Variants in APBA2 observed in about 807,000 individuals in gnomAD.
The protein encoded by APBA2 is amyloid-beta A4 precursor protein-binding family A member 2.
APBA2 carries 30 observed loss-of-function variants against 75.0 expected under a neutral mutation model. The ratio of observed to expected loss-of-function variants is 0.40; its 90% CI spans 0.30 to 0.54. The LOEUF (loss-of-function observed/expected upper bound fraction) is 0.54, where lower values mean the gene tolerates loss of function less well. Among genes scored for constraint, APBA2 ranks in the 20% least tolerant of loss-of-function variants. The pLI, the probability that APBA2 is intolerant of heterozygous loss-of-function variation, is 0.49. For synonymous variants in APBA2, 444 were observed against 409.6 expected (o/e 1.08, Z -1.01); for missense variants, 801 against 1,016.1 (o/e 0.79, Z 2.88).
chr15:28,958,347 T>TG (rs1227699100), intron 2 of APBA2, among the ~76,000 whole-genome samples: 1 of 152,254 alleles, frequency 6.6e-6, no homozygotes, highest in Non-Finnish European at 1.5e-5. Context: ...CCAGGCCCTG[T>TG]GGCGTGGGAG....
At position 29,105,530 on chromosome 15, in the gene APBA2, A is replaced by G. The variant is rs2044354895; in HGVS notation, c.1676A>G (p.His559Arg). 1 of 1,613,660 alleles carries G rather than the reference A, an allele frequency of 6.2e-7. No homozygotes were observed. Among genetic ancestry groups the G allele is most frequent in the Non-Finnish European group, 8.5e-7 (1 of 1,180,018 alleles). The change falls in exon 11 of 15, where the codon CAC becomes CGC. Residue 559 changes from histidine to arginine, a missense_variant. Physicochemically the swap from His to Arg is conservative, Grantham distance 29. Transcript: ENST00000683413. ...TQEMYNDDLI[H>R]FSNSENCKEL... ...GAGATGTACAACGACGACCTCATCC[A>G]CTTCTCAAACTCGGAGAACTGCAAG...
At chr15:29,107,469 C>T (rs1484700232) in intron 12 of APBA2, among the ~76,000 whole-genome samples, 3 of 152,224 alleles carry the variant, frequency 2.0e-5, no homozygotes, top group African/African-American at 7.2e-5. Context: ...GCATGTTCCT[C>T]CCCACCCTGC....
In APBA2 at chr15:28,919,364, ATGAACAACCGC is replaced by A. The variant is rs1232127110; in HGVS notation, c.-204-2272_-204-2262del. On this transcript the variant is annotated intron_variant, in intron 1 of 14. Transcript: ENST00000683413. ...CCCGCGGTTGTTGAACGGAGGGAGA[ATGAACAACCGC>A]TGACTTCCTGGTTCCTGGGTGCCGC... 2.0e-5 allele frequency: 3 copies of A among 152,342 alleles called. No individual in the cohort carries two copies. The East Asian group carries it at 5.8e-4, about 29-fold the overall frequency. 9.4% of individuals were successfully genotyped at this position (152,342 alleles called of 1,614,324 possible).
chr15:29,076,213 A>G, intron 6 of APBA2, 122 bp downstream of exon 6: 2 of 1,081,222 alleles, frequency 1.8e-6, no homozygotes, highest in Non-Finnish European at 2.9e-6. Flanking sequence ...CCTACCAGCA[A>G]GGTGCTTGGC....
chr15:28,960,107 T>C (rs1006029714), intron 2 of APBA2, among the ~76,000 whole-genome samples: 1 of 142,574 alleles, frequency 7.0e-6, no homozygotes, highest in Admixed American at 7.3e-5. Flanking sequence ...ATTGCACCAC[T>C]GCACTTCAGT....
intron 2 of APBA2, among the ~76,000 whole-genome samples, chr15:28,944,832 C>T (rs75445418): frequency 0.12 from 18,829 of 152,250 alleles, 2,331 homozygotes; most frequent in East Asian, 0.33. Context: ...CAGAAAGGTC[C>T]GGGCAGCACT....
chr15:28,941,353 T>C (rs1016312908), intron 2 of APBA2, among the ~76,000 whole-genome samples: 6 of 152,102 alleles, frequency 3.9e-5, no homozygotes, highest in African/African-American at 1.2e-4. Context: ...AACAGGGATC[T>C]CATTCGACTT....
At chr15:29,020,243 C>T (rs1377492770) in intron 3 of APBA2, among the ~76,000 whole-genome samples, 1 of 150,390 alleles carries the variant, frequency 6.6e-6, no homozygotes, top group African/African-American at 2.4e-5. Context: ...ACATTTACTT[C>T]GACTATTTTC....
At chr15:29,074,899 T>A in intron 4 of APBA2, 22 bp from the exon 5 acceptor site, 1 of 1,612,658 alleles carries the variant, frequency 6.2e-7, no homozygotes, top group Non-Finnish European at 8.5e-7. Flanking sequence ...AAAATCACGA[T>A]CTTTAACTTC....
chr15:28,995,982 A>G (rs1437889667), intron 3 of APBA2, among the ~76,000 whole-genome samples, 176 bp downstream of exon 3: 2 of 152,112 alleles, frequency 1.3e-5, no homozygotes, highest in Non-Finnish European at 2.9e-5. Flanking sequence ...CTGGGGTTTG[A>G]GTCACAGCCA....
At chr15:28,951,419 G>T (rs1413838904) in intron 2 of APBA2, among the ~76,000 whole-genome samples, 1 of 152,048 alleles carries the variant, frequency 6.6e-6, no homozygotes, top group Non-Finnish European at 1.5e-5. Context: ...TTTCTGCAAG[G>T]ATCCCTGCCT....
chr15:28,986,104 G>A (rs957490956), intron 2 of APBA2, among the ~76,000 whole-genome samples: 1 of 152,130 alleles, frequency 6.6e-6, no homozygotes, highest in African/African-American at 2.4e-5. Context: ...CTCTTCCCCT[G>A]CCCAGTTACA....
At chr15:28,963,047 CAG>C (rs1174173666) in intron 2 of APBA2, among the ~76,000 whole-genome samples, 4 of 152,288 alleles carry the variant, frequency 2.6e-5, no homozygotes, top group Non-Finnish European at 5.9e-5. Flanking sequence ...AGGTGGGTGG[CAG>C]GTGCACTGGG....
At position 28,901,252 on chromosome 15, in the gene APBA2, G is replaced by C. The variant is rs1263275871; in HGVS notation, c.-205+14974G>C. 2.0e-5 allele frequency among the ~76,000 whole-genome samples: 3 copies of C among 152,302 alleles called. No homozygotes were observed. In the East Asian group the frequency reaches 5.8e-4, roughly 29 times the overall value. ...TCACCGTGGCCTGAGGATCTGAAAGGGTGTCTGAGGGGTGGGCCTGGTGGT... is the reference window on the plus strand; with the variant it reads ...TCACCGTGGCCTGAGGATCTGAAAGCGTGTCTGAGGGGTGGGCCTGGTGGT... On this transcript the variant is annotated intron_variant, in intron 1 of 14. Coordinates refer to ENST00000683413, the MANE Select transcript of APBA2 (RefSeq NM_001353788.2).
chr15:28,971,449 G>A (rs766983766), intron 2 of APBA2, among the ~76,000 whole-genome samples: 35 of 152,148 alleles, frequency 2.3e-4, no homozygotes, highest in Non-Finnish European at 4.4e-4. Context: ...CATCAGGACC[G>A]GGCACAGGAG....
chr15:29,042,689 T>G (rs2041111017), intron 3 of APBA2, among the ~76,000 whole-genome samples: 1 of 152,130 alleles, frequency 6.6e-6, no homozygotes, highest in South Asian at 2.1e-4. Flanking sequence ...CAGTACTGTA[T>G]GCACTTGGAA....
At chr15:28,989,644 G>A (rs891065354) in intron 2 of APBA2, among the ~76,000 whole-genome samples, 5 of 152,160 alleles carry the variant, frequency 3.3e-5, no homozygotes, top group Non-Finnish European at 7.3e-5. Flanking sequence ...GGGTGCCTGG[G>A]AATTGGAAGG....
intron 2 of APBA2, among the ~76,000 whole-genome samples, chr15:28,995,552 G>A (rs2038471210): frequency 6.6e-6 from 1 of 152,124 alleles, no homozygotes; most frequent in Non-Finnish European, 1.5e-5. Context: ...CAATAATTAT[G>A]CGATGAATGG....
intron 2 of APBA2, among the ~76,000 whole-genome samples, chr15:28,948,060 C>T (rs543426018): frequency 1.1e-3 from 172 of 152,300 alleles, no homozygotes; most frequent in Middle Eastern, 6.8e-3. Context: ...TGGGTCCTTG[C>T]ACCATCCAGA....
Sources: allele counts gnomAD v4.1 joint callset (sites outside exome capture counted in the v4.1 genomes callset), GRCh38; gene constraint gnomAD v4.1.1; transcripts MANE v1.5; gene names NCBI Gene and HGNC (gene_info 2026-07-23, HGNC 2026-07-21).